CNBP: variants seen among roughly 807,000 people sequenced by gnomAD.
CNBP encodes the protein CCHC-type zinc finger nucleic acid binding protein.
In CNBP, 6 loss-of-function variants were observed where a neutral mutation model predicts 21.2. That is an observed-to-expected ratio of 0.28 (90% confidence interval 0.16 to 0.56). The LOEUF (loss-of-function observed/expected upper bound fraction) is 0.56, where lower values mean the gene tolerates loss of function less well. Ranked by LOEUF, CNBP falls within the 20% of genes least tolerant of loss-of-function variation. The pLI is 0.93. For synonymous variants in CNBP, 61 were observed against 74.9 expected (o/e 0.81, Z 0.96); for missense variants, 112 against 233.1 (o/e 0.48, Z 3.38).
rs909957923 is a variant in CNBP at position 129,169,446 on chromosome 3, ATGACT to A, written c.*1002_*1006del. Reference sequence around the variant, plus strand: ...AACAGCAATTTTCATTATTGAAGACATGACTTAAGTACAAAAAGAAAAGTCCAAAC... The same window carrying A: ...AACAGCAATTTTCATTATTGAAGACATAAGTACAAAAAGAAAAGTCCAAAC... On this transcript the variant is annotated 3_prime_UTR_variant, in exon 5 of 5. Transcript: ENST00000422453. 2 of 193,684 alleles carry A rather than the reference ATGACT, an allele frequency of 1.0e-5. No homozygotes were observed. The highest frequency in any genetic ancestry group is 2.2e-5 in the Non-Finnish European group (2 of 92,888). 12.0% of individuals were successfully genotyped at this position (193,684 alleles called of 1,614,324 possible).
chr3:129,173,679 T>A (rs1014964960), intron 1 of CNBP, among the ~76,000 whole-genome samples: 5 of 152,158 alleles, frequency 3.3e-5, no homozygotes, highest in Non-Finnish European at 7.4e-5. Context: ...TGAAATGGAA[T>A]AGAACATAAT....
At chr3:129,182,556 C>G (rs189219934) in intron 1 of CNBP, among the ~76,000 whole-genome samples, 1 of 152,274 alleles carries the variant, frequency 6.6e-6, no homozygotes, top group African/African-American at 2.4e-5. Flanking sequence ...AACAGGTTCT[C>G]ACGATATGGA....
rs200573815 is a variant in CNBP, at chr3:129,171,290, G to A, written c.218-13C>T. The stretch of plus-strand genomic sequence containing the variant: ...CAGTTATAGCAGGCTTCAACAATAA[G>A]GAAAAGAAACAGGCCAAGACTATAA... On this transcript the variant is annotated splice_polypyrimidine_tract_variant and intron_variant, in intron 3 of 4. Transcript: ENST00000422453. 7 of 1,613,978 alleles carry A rather than the reference G, an allele frequency of 4.3e-6. No homozygotes were observed. The African/African-American group carries it at 8.0e-5, about 18-fold the overall frequency.
At chr3:129,179,272 C>T (rs1677110246) in intron 1 of CNBP, among the ~76,000 whole-genome samples, 1 of 151,628 alleles carries the variant, frequency 6.6e-6, no homozygotes, top group Admixed American at 6.6e-5. Flanking sequence ...AGCGAAACTC[C>T]ACCTCAAAGG....
rs768633993 is a variant in CNBP, at chr3:129,170,438, G to A, written c.*15C>T. ...ACCATCAATCAGAAAAAGGAGGGGC[G>A]ACAAAGGAAAATAATTAGGCTGTAG... On this transcript the variant is annotated 3_prime_UTR_variant, in exon 5 of 5. Transcript: ENST00000422453. The A allele has an allele frequency of 2.1e-5, 33 of 1,598,564 alleles. No individual in the cohort carries two copies. The highest frequency in any genetic ancestry group is 4.5e-5 in the East Asian group (2 of 44,832).
intron 1 of CNBP, among the ~76,000 whole-genome samples, chr3:129,177,693 G>A (rs1452296583): frequency 6.6e-6 from 1 of 152,134 alleles, no homozygotes; most frequent in Non-Finnish European, 1.5e-5. Context: ...AAGAGATTAA[G>A]AGGAGAAACA....
chr3:129,176,811 C>G, intron 1 of CNBP, among the ~76,000 whole-genome samples: 1 of 152,122 alleles, frequency 6.6e-6, no homozygotes, highest in South Asian at 2.1e-4. Flanking sequence ...AGGACATTCC[C>G]AATGTAATTT....
chr3:129,171,004 T>C (rs928817986), intron 4 of CNBP, 75 bp downstream of exon 4: 1 of 1,464,538 alleles, frequency 6.8e-7, no homozygotes, highest in South Asian at 1.3e-5. Context: ...ACTAAGGCCC[T>C]TCCATTTATA....
intron 1 of CNBP, among the ~76,000 whole-genome samples, chr3:129,180,484 T>C (rs1401543985): frequency 5.3e-5 from 8 of 152,226 alleles, no homozygotes; most frequent in African/African-American, 9.6e-5. Context: ...TATTCCTAAT[T>C]AACAAAATCC....
At position 129,168,164 on chromosome 3, in the gene CNBP, GA is replaced by G. The variant is rs1224410316; in HGVS notation, c.*2288del. Among the ~76,000 whole-genome samples the G allele has an allele frequency of 2.0e-5, 3 of 152,280 alleles. No individual in the cohort carries two copies. The highest frequency in any genetic ancestry group is 3.4e-3 in the Middle Eastern group (1 of 294). On this transcript the variant is annotated 3_prime_UTR_variant, in exon 5 of 5. Transcript: ENST00000422453. ...ACCGCATTTAATTTCGAAGTGGGGGGAAACAGGGCATGGGGAGTGAATAATG... is the reference window on the plus strand; with the variant it reads ...ACCGCATTTAATTTCGAAGTGGGGGGAACAGGGCATGGGGAGTGAATAATG...
At chr3:129,181,544 C>T (rs1576928350) in intron 1 of CNBP, among the ~76,000 whole-genome samples, 1 of 146,482 alleles carries the variant, frequency 6.8e-6, no homozygotes. Flanking sequence ...CCAGCTACTT[C>T]GGAGGCTGAG....
intron 1 of CNBP, among the ~76,000 whole-genome samples, chr3:129,178,479 T>C (rs1031787514): frequency 6.6e-6 from 1 of 152,176 alleles, no homozygotes; most frequent in Non-Finnish European, 1.5e-5. Flanking sequence ...AACAGGCAAG[T>C]TGGAGATAAA....
intron 1 of CNBP, among the ~76,000 whole-genome samples, chr3:129,180,905 C>A (rs1360867834): frequency 6.6e-6 from 1 of 151,912 alleles, no homozygotes; most frequent in African/African-American, 2.4e-5. Context: ...TGGTACTATC[C>A]CATATACGTG....
intron 1 of CNBP, 137 bp from the exon 2 acceptor site, chr3:129,171,908 G>A (rs1231521348): frequency 2.1e-6 from 2 of 957,318 alleles, no homozygotes; most frequent in Non-Finnish European, 3.0e-6. Flanking sequence ...AGCTGGGCAT[G>A]GTGGCTCACG....
intron 1 of CNBP, among the ~76,000 whole-genome samples, chr3:129,182,857 G>T (rs950476375): frequency 2.0e-5 from 3 of 152,096 alleles, no homozygotes; most frequent in Non-Finnish European, 4.4e-5. Context: ...TCAAGGATAG[G>T]GAGTATAAAC....
At chr3:129,183,480 G>T (rs930287731) in intron 1 of CNBP, among the ~76,000 whole-genome samples, 1 of 152,252 alleles carries the variant, frequency 6.6e-6, no homozygotes, top group African/African-American at 2.4e-5. Context: ...GCACGGGCGG[G>T]CCTCCTCTGC....
At chr3:129,179,196 G>T (rs1298645364) in intron 1 of CNBP, among the ~76,000 whole-genome samples, 4 of 151,890 alleles carry the variant, frequency 2.6e-5, no homozygotes, top group Admixed American at 6.6e-5. Context: ...AGAATCGCTT[G>T]AACCCGGGAG....
At chr3:129,181,632 AGAGT>A (rs1258490394) in intron 1 of CNBP, among the ~76,000 whole-genome samples, 2 of 71,976 alleles carry the variant, frequency 2.8e-5, no homozygotes, top group Non-Finnish European at 5.9e-5. Flanking sequence ...CTTGGGCGAC[AGAGT>A]GAGACTCCGT....
chr3:129,177,465 G>T (rs1576920723), intron 1 of CNBP, among the ~76,000 whole-genome samples: 2 of 152,278 alleles, frequency 1.3e-5, no homozygotes, highest in Middle Eastern at 3.4e-3. Flanking sequence ...GATGTGTGTG[G>T]TAAGAATTGT....
Sources: allele counts gnomAD v4.1 joint callset (sites outside exome capture counted in the v4.1 genomes callset), GRCh38; gene constraint gnomAD v4.1.1; transcripts MANE v1.5; gene names NCBI Gene and HGNC (gene_info 2026-07-23, HGNC 2026-07-21).